The following POLR3B variants were observed in gnomAD, a reference collection of about 807,000 sequenced individuals.
POLR3B encodes DNA-directed RNA polymerase III subunit RPC2.
In POLR3B, 96 loss-of-function variants were observed where a neutral mutation model predicts 147.4. The observed-to-expected ratio is 0.65, with a 90% confidence interval of 0.55 to 0.77. The LOEUF (loss-of-function observed/expected upper bound fraction) is 0.77, where lower values mean the gene tolerates loss of function less well. Ranked by LOEUF, POLR3B falls within the 30% of genes least tolerant of loss-of-function variation. POLR3B has a pLI of 0.00. For missense variants in POLR3B, 1,036 were observed against 1,413.5 expected (o/e 0.73, Z 4.28); for synonymous variants, 461 against 485.9 (o/e 0.95, Z 0.67).
chr12:106,444,356 C>A, intron 18 of POLR3B, 107 bp from the exon 19 acceptor site: 1 of 1,038,066 alleles, frequency 9.6e-7, no homozygotes, highest in Non-Finnish European at 1.5e-6. Flanking sequence ...ATTTTATTGA[C>A]ATATAAATCC....
chr12:106,471,952 G>C (rs1219804285), intron 23 of POLR3B, among the ~76,000 whole-genome samples: 1 of 148,210 alleles, frequency 6.7e-6, no homozygotes, highest in Non-Finnish European at 1.5e-5. Flanking sequence ...ATGCTGGTGC[G>C]CTGCACCCAC....
chr12:106,376,064 T>G (rs1461232740), intron 6 of POLR3B, among the ~76,000 whole-genome samples: 1 of 152,202 alleles, frequency 6.6e-6, no homozygotes, highest in African/African-American at 2.4e-5. Flanking sequence ...CAGGCTGCTC[T>G]CAAACTCCTG....
chr12:106,376,734 C>G (rs1418446548), intron 7 of POLR3B, among the ~76,000 whole-genome samples: 2 of 151,946 alleles, frequency 1.3e-5, no homozygotes, highest in Non-Finnish European at 2.9e-5. Flanking sequence ...CCTCCCACCT[C>G]AGCTTCCCAA....
At chr12:106,430,170 G>T in intron 13 of POLR3B, 103 bp from the exon 14 acceptor site, 6 of 834,650 alleles carry the variant, frequency 7.2e-6, no homozygotes, top group Non-Finnish European at 1.3e-5. Flanking sequence ...TTCTAATTTC[G>T]TAAGCATGAA....
chr12:106,397,508 G>C (rs1338114347), intron 10 of POLR3B, among the ~76,000 whole-genome samples: 1 of 152,042 alleles, frequency 6.6e-6, no homozygotes, highest in Non-Finnish European at 1.5e-5. Flanking sequence ...ATGGAATTAG[G>C]CATCATAGTT....
chr12:106,398,069 A>T (rs983776691), intron 10 of POLR3B, among the ~76,000 whole-genome samples: 19 of 152,242 alleles, frequency 1.2e-4, no homozygotes, highest in African/African-American at 4.6e-4. Flanking sequence ...GGGTCAGGGA[A>T]TTCCCTTTCC....
intron 18 of POLR3B, among the ~76,000 whole-genome samples, chr12:106,443,785 T>C (rs1165437850): frequency 6.6e-6 from 1 of 152,034 alleles, no homozygotes; most frequent in African/African-American, 2.4e-5. Context: ...CCTCCCAAAC[T>C]GCTGGGATTA....
chr12:106,451,420 G>A (rs768471145), intron 19 of POLR3B, among the ~76,000 whole-genome samples: 33 of 151,882 alleles, frequency 2.2e-4, no homozygotes, highest in Non-Finnish European at 3.4e-4. Context: ...TTGAGGTTGA[G>A]GAGTTCACCT....
chr12:106,368,387 C>G (rs1283037197), intron 4 of POLR3B, among the ~76,000 whole-genome samples: 2 of 152,024 alleles, frequency 1.3e-5, no homozygotes, highest in Non-Finnish European at 2.9e-5. Flanking sequence ...TTTCTTTATC[C>G]TATCCATTTT....
chr12:106,494,194 A>T (rs2038443755), intron 23 of POLR3B, among the ~76,000 whole-genome samples: 1 of 152,196 alleles, frequency 6.6e-6, no homozygotes, highest in South Asian at 2.1e-4. Context: ...TTGCTTAATT[A>T]AATGTGTCGA....
At chr12:106,371,914 A>T (rs934787892) in intron 6 of POLR3B, among the ~76,000 whole-genome samples, 1 of 151,992 alleles carries the variant, frequency 6.6e-6, no homozygotes, top group African/African-American at 2.4e-5. Context: ...CGTTGTGCAC[A>T]TGTACCCTAA....
At chr12:106,447,443 C>T (rs2037738485) in intron 19 of POLR3B, among the ~76,000 whole-genome samples, 1 of 152,058 alleles carries the variant, frequency 6.6e-6, no homozygotes, top group Non-Finnish European at 1.5e-5. Context: ...TTCGAGTTTC[C>T]ACACAGCATC....
chr12:106,506,303 G>A (rs898102680), intron 27 of POLR3B, among the ~76,000 whole-genome samples: 8 of 152,106 alleles, frequency 5.3e-5, no homozygotes, highest in Admixed American at 2.0e-4. Flanking sequence ...AATTTACTTC[G>A]AAAGGATGGT....
chr12:106,470,022 C>T (rs1251680232), intron 23 of POLR3B, among the ~76,000 whole-genome samples: 1 of 152,200 alleles, frequency 6.6e-6, no homozygotes, highest in Non-Finnish European at 1.5e-5. Flanking sequence ...GGAAGTTCTC[C>T]TGGATAATAT....
intron 23 of POLR3B, among the ~76,000 whole-genome samples, chr12:106,479,292 T>C (rs767934905): frequency 6.6e-6 from 1 of 152,088 alleles, no homozygotes; most frequent in Non-Finnish European, 1.5e-5. Flanking sequence ...TTTTAGGAGA[T>C]TTGATCAACG....
intron 18 of POLR3B, among the ~76,000 whole-genome samples, chr12:106,442,096 AGAAAG>A (rs2037660200): frequency 6.8e-6 from 1 of 147,838 alleles, no homozygotes; most frequent in African/African-American, 2.6e-5. Flanking sequence ...AAAAAAAGAA[AGAAAG>A]AAAGAAAGAA....
chr12:106,493,991 G>GA (rs2038440185), intron 23 of POLR3B, among the ~76,000 whole-genome samples: 1 of 151,988 alleles, frequency 6.6e-6, no homozygotes, highest in South Asian at 2.1e-4. Context: ...ATAATGGAAG[G>GA]AAAAAAATCC....
intron 19 of POLR3B, among the ~76,000 whole-genome samples, chr12:106,450,306 A>G (rs558431541): frequency 6.6e-6 from 1 of 152,354 alleles, no homozygotes; most frequent in South Asian, 2.1e-4. Flanking sequence ...GAAAACCTTC[A>G]TAGCTTGAGT....
intron 25 of POLR3B, among the ~76,000 whole-genome samples, chr12:106,497,966 G>A (rs1193074020): frequency 6.6e-6 from 1 of 152,078 alleles, no homozygotes; most frequent in Non-Finnish European, 1.5e-5. Context: ...ATGAAAGCAG[G>A]GCTGGTCTGT....
Sources: allele counts gnomAD v4.1 joint callset (sites outside exome capture counted in the v4.1 genomes callset), GRCh38; gene constraint gnomAD v4.1.1; transcripts MANE v1.5; gene names NCBI Gene and HGNC (gene_info 2026-07-23, HGNC 2026-07-21).